HHIPL1: variants seen among roughly 807,000 people sequenced by gnomAD.
HHIPL1 encodes HHIP-like protein 1.
A neutral mutation model predicts 61.8 loss-of-function variants in HHIPL1; 43 were observed. The observed-to-expected ratio is 0.70, with a 90% CI of 0.55 to 0.90. The LOEUF is 0.90. HHIPL1 is among the 40% of genes least tolerant of loss of function. The pLI is 0.00. For missense variants in HHIPL1, 1,056 were observed against 1,157.7 expected (o/e 0.91, Z 1.28); for synonymous variants, 482 against 515.8 (o/e 0.93, Z 0.89).
At chr14:99,637,160 AAG>A in the HHIPL1 span, among the ~76,000 whole-genome samples, 1 of 139,134 alleles carries the variant, frequency 7.2e-6, no homozygotes, top group African/African-American at 2.6e-5. Context: ...GAAAGAAAGA[AAG>A]AAAGAAAAAG....
At chr14:99,642,714 T>C (rs565303613), upstream of HHIPL1, among the ~76,000 whole-genome samples, 6 of 152,016 alleles carry the variant, frequency 3.9e-5, no homozygotes, top group Middle Eastern at 3.4e-3. Context: ...TTAGTAGAGA[T>C]GGGGTTTCAC....
the HHIPL1 span, among the ~76,000 whole-genome samples, chr14:99,627,265 T>C: frequency 0.011 from 1,719 of 150,828 alleles, 41 homozygotes; most frequent in African/African-American, 0.04. This position sits in a 1 kb window ranked among gnomAD's most constrained non-coding sequence, Gnocchi z 4.4. Flanking sequence ...CCCATTCATC[T>C]ATCCACCTAT....
rs1384707140 is a variant in HHIPL1, at chr14:99,668,122, G to A, written c.1649-100G>A. The A allele has an allele frequency of 6.5e-6, 5 of 766,214 alleles. No individual in the cohort carries two copies. The highest frequency in any genetic ancestry group is 5.1e-5 in the African/African-American group (3 of 58,874). The allele number at this position is 766,214 out of a possible 1,614,324, so 47.5% of individuals were successfully genotyped here. On this transcript the variant is annotated intron_variant, in intron 6 of 8. Transcript: ENST00000330710. The surrounding 1 kb of genome is among the most constrained non-coding windows in gnomAD (Gnocchi z 4.7). ...TCACGTGATGGCTAGCTGGGGTTGG[G>A]GTCTATTTCCAAGCCTGCAGGGAGC...
the HHIPL1 span, among the ~76,000 whole-genome samples, chr14:99,611,461 T>C: frequency 6.6e-6 from 1 of 152,126 alleles, no homozygotes; most frequent in East Asian, 1.9e-4. Flanking sequence ...GCCCAGGTAA[T>C]TTTTAGTAAA....
upstream of HHIPL1, among the ~76,000 whole-genome samples, chr14:99,640,457 G>C (rs1165205354): frequency 7.1e-6 from 1 of 140,680 alleles, no homozygotes; most frequent in Non-Finnish European, 1.6e-5. Flanking sequence ...GCTAATTTTT[G>C]TATTTTTTGT....
the HHIPL1 span, among the ~76,000 whole-genome samples, chr14:99,631,106 T>TTCTTTCTTTCTTTC: frequency 7.3e-4 from 89 of 121,516 alleles, 1 homozygote; most frequent in African/African-American, 2.7e-3. Flanking sequence ...CTTTCTTTCT[T>TTCTTTCTTTCTTTC]TCTCTCTCTT....
chr14:99,633,049 T>G, the HHIPL1 span, among the ~76,000 whole-genome samples: 1 of 151,658 alleles, frequency 6.6e-6, no homozygotes. Context: ...GTGGGTGGAT[T>G]CATGTGAGAG....
rs2055954481 is a variant in HHIPL1, at chr14:99,652,619, G to C, written c.651G>C (p.Leu217=). ...HRFFVAEQVG[L]VWAYLPDRSR... is the part of the protein sequence containing the mutation. ...TCTTCGTGGCCGAGCAGGTGGGGCT[G>C]GTGTGGGCCTACCTGCCCGACCGCT... Residue 217 remains leucine (L), a synonymous_variant, in exon 2 of 9, where the codon CTG becomes CTC. Coordinates refer to ENST00000330710, the MANE Select transcript of HHIPL1 (RefSeq NM_001127258.3). 6.2e-7 allele frequency: 1 copy of C among 1,613,430 alleles called. No individual in the cohort carries two copies. The highest frequency in any genetic ancestry group is 1.7e-5 in the Admixed American group (1 of 59,958).
chr14:99,671,788 G>T (rs11622347), intron 7 of HHIPL1, among the ~76,000 whole-genome samples: 21,643 of 152,098 alleles, frequency 0.14, 1,878 homozygotes, highest in Non-Finnish European at 0.19. Context: ...CAGGCACAAG[G>T]CTTGCTTTCC....
upstream of HHIPL1, among the ~76,000 whole-genome samples, chr14:99,642,192 C>A (rs930408702): frequency 6.6e-6 from 1 of 151,816 alleles, no homozygotes; most frequent in Non-Finnish European, 1.5e-5. Flanking sequence ...AGCCCGCCTC[C>A]ACCTCCCAAA....
rs1037558728 is a variant in HHIPL1, at chr14:99,660,042, T to A, written c.1376-238T>A. On this transcript the variant is annotated intron_variant, in intron 4 of 8. Transcript: ENST00000330710. This position sits in a 1 kb window ranked among gnomAD's most constrained non-coding sequence, Gnocchi z 4.9. ...CCCCCGCCTCCACCCGGAGCCTCCC[T>A]GCGCCTTGGAGGCCTCCCAGCAGCG... Among the ~76,000 whole-genome samples the A allele has an allele frequency of 6.6e-6, 1 of 150,696 alleles. No individual in the cohort carries two copies. Among genetic ancestry groups the A allele is most frequent in the Non-Finnish European group, 1.5e-5 (1 of 67,726 alleles).
At chr14:99,644,248 G>A (rs1349473213), upstream of HHIPL1, among the ~76,000 whole-genome samples, 2 of 152,194 alleles carry the variant, frequency 1.3e-5, no homozygotes, top group African/African-American at 4.8e-5. Context: ...GGGCCATGAA[G>A]ATGGAGTAGG....
chr14:99,625,270 G>A, the HHIPL1 span: 1 of 152,268 alleles, frequency 6.6e-6, no homozygotes, highest in Non-Finnish European at 1.5e-5. Flanking sequence ...ATCTGCAGAG[G>A]AGGAAGCTAA....
chr14:99,636,507 G>C, the HHIPL1 span, among the ~76,000 whole-genome samples: 1 of 152,184 alleles, frequency 6.6e-6, no homozygotes, highest in Non-Finnish European at 1.5e-5. Context: ...CAGACCAGCA[G>C]ATTGTCAAGC....
At chr14:99,610,514 C>A in the HHIPL1 span, among the ~76,000 whole-genome samples, 1 of 152,140 alleles carries the variant, frequency 6.6e-6, no homozygotes, top group Non-Finnish European at 1.5e-5. Flanking sequence ...AATCCCAGCA[C>A]TTTGGGAGGC....
the HHIPL1 span, among the ~76,000 whole-genome samples, chr14:99,619,417 G>A: frequency 0.069 from 10,307 of 149,822 alleles, 475 homozygotes; most frequent in Non-Finnish European, 0.096. Flanking sequence ...GGCCGAGATC[G>A]CACTGTTGCA....
Position 99,667,732 on chromosome 14 carries a change from G to A in HHIPL1, c.1649-490G>A, listed in dbSNP as rs186244078. On this transcript the variant is annotated intron_variant, in intron 6 of 8. Transcript: ENST00000330710. ...GCTAGCTAATGCTGATGAAGCACAC[G>A]CTCTGCGCTCTTCAGTCCTTATAAC... is the stretch of plus-strand genomic sequence containing the variant. 2.6e-5 allele frequency among the ~76,000 whole-genome samples: 4 copies of A among 152,300 alleles called. No homozygotes were observed. The East Asian group carries it at 5.8e-4, about 22-fold the overall frequency.
intron 1 of HHIPL1, 88 bp downstream of exon 1, chr14:99,645,550 A>G: frequency 8.3e-7 from 1 of 1,207,916 alleles, no homozygotes; most frequent in Non-Finnish European, 1.0e-6. Context: ...GGCGAGGGCC[A>G]AGAGTGGGCG....
intron 6 of HHIPL1, among the ~76,000 whole-genome samples, chr14:99,666,071 C>T (rs1453390463): frequency 3.9e-5 from 6 of 152,230 alleles, no homozygotes; most frequent in African/African-American, 1.4e-4. Flanking sequence ...CGTCAGCCAC[C>T]ATGCCTGAAC....
Sources: allele counts gnomAD v4.1 joint callset (sites outside exome capture counted in the v4.1 genomes callset), GRCh38; gene constraint gnomAD v4.1.1; non-coding constraint Gnocchi (gnomAD v3.1); transcripts MANE v1.5; gene names NCBI Gene and HGNC (gene_info 2026-07-23, HGNC 2026-07-21).